The following ADAM10 variants were observed in gnomAD, a reference collection of about 807,000 sequenced individuals.
ADAM10 encodes disintegrin and metalloproteinase domain-containing protein 10.
ADAM10 carries 17 observed loss-of-function variants against 90.1 expected under a neutral mutation model. The ratio of observed to expected loss-of-function variants is 0.19; its 90% CI spans 0.13 to 0.28. The LOEUF (loss-of-function observed/expected upper bound fraction) is 0.28. Among genes scored for constraint, ADAM10 ranks in the 10% least tolerant of loss-of-function variants. The probability of loss-of-function intolerance (pLI) is 1.00; values close to 1 mark genes in which losing one functional copy is unlikely to be tolerated. For synonymous variants in ADAM10, 310 were observed against 298.6 expected, an observed-to-expected ratio of 1.04 and a Z score of -0.40; for missense variants, 610 against 914.3, an observed-to-expected ratio of 0.67 and a Z score of 4.29.
chr15:58,727,205 TCC>T (rs34158903), intron 1 of ADAM10, among the ~76,000 whole-genome samples: 1,147 of 89,124 alleles, frequency 0.013, 162 homozygotes, highest in African/African-American at 0.039. Context: ...TTTTTTTTTT[TCC>T]CAAAAACAGC....
intron 12 of ADAM10, 71 bp from the exon 13 acceptor site, chr15:58,611,178 G>C (rs1483868496): frequency 9.1e-7 from 1 of 1,097,392 alleles, no homozygotes; most frequent in Non-Finnish European, 1.4e-6. Context: ...GTAACAGACA[G>C]GCAAGTATGA....
intron 12 of ADAM10, 72 bp from the exon 13 acceptor site, chr15:58,611,179 G>C: frequency 9.6e-7 from 1 of 1,036,496 alleles, no homozygotes; most frequent in Non-Finnish European, 1.5e-6. Flanking sequence ...TAACAGACAG[G>C]CAAGTATGAG....
At position 58,647,248 on chromosome 15, in the gene ADAM10, A is replaced by ATTTCTTTTTTTTTTTTTTTTTTTTTTTT. The variant is rs1162350060; in HGVS notation, c.586-1045_586-1044insAAAAAAAAAAAAAAAAAAAAAAAAGAAA. On this transcript the variant is annotated intron_variant, in intron 5 of 15. Coordinates refer to ENST00000260408, the MANE Select transcript of ADAM10 (RefSeq NM_001110.4). ...TGGCAGCAAAGAGTAGACACTAAGT[A>ATTTCTTTTTTTTTTTTTTTTTTTTTTTT]TTTTTTTTTTTTTTTTTTTTTTTTT... Among the ~76,000 whole-genome samples the ATTTCTTTTTTTTTTTTTTTTTTTTTTTT allele has an allele frequency of 1.5e-4, 9 of 59,602 alleles. 3 individuals carry two copies. Among genetic ancestry groups the ATTTCTTTTTTTTTTTTTTTTTTTTTTTT allele is most frequent in the African/African-American group, 4.8e-4 (9 of 18,646 alleles). 39.1% of individuals were successfully genotyped at this position (59,602 alleles called of 152,430 possible).
intron 8 of ADAM10, among the ~76,000 whole-genome samples, chr15:58,635,848 T>G (rs1896236650): frequency 6.6e-6 from 1 of 152,116 alleles, no homozygotes; most frequent in Non-Finnish European, 1.5e-5. Context: ...TACATTTTTC[T>G]GCACTTTTAG....
At chr15:58,669,668 C>A (rs1897151602) in intron 4 of ADAM10, among the ~76,000 whole-genome samples, 1 of 152,084 alleles carries the variant, frequency 6.6e-6, no homozygotes, top group Non-Finnish European at 1.5e-5. Flanking sequence ...CTTTAATCGA[C>A]CAATACTTGA....
intron 5 of ADAM10, among the ~76,000 whole-genome samples, chr15:58,655,669 C>CAT (rs1896790166): frequency 2.7e-5 from 3 of 110,722 alleles, no homozygotes; most frequent in African/African-American, 3.9e-5. Context: ...TACATACATA[C>CAT]ATACATACAT....
At chr15:58,642,451 T>C (rs1484510144) in intron 7 of ADAM10, among the ~76,000 whole-genome samples, 20 of 151,098 alleles carry the variant, frequency 1.3e-4, no homozygotes, top group Non-Finnish European at 2.5e-4. Flanking sequence ...GGCGACAGAG[T>C]GAGACTCCTT....
chr15:58,605,465 A>T lies in ADAM10; in HGVS notation c.2025+4832T>A, dbSNP rs540156934. Among the ~76,000 whole-genome samples, 81 of 152,302 alleles carry T rather than the reference A, an allele frequency of 5.3e-4. 2 individuals carry two copies. The East Asian group carries it at 0.014, about 27-fold the overall frequency. ...TTATAGTTTTCCTTTTTAAAAAAAG[A>T]ATGAGTTAAATGCTAAATTACATGC... On this transcript the variant is annotated intron_variant, in intron 14 of 15. Coordinates refer to ENST00000260408, the MANE Select transcript of ADAM10 (RefSeq NM_001110.4).
chr15:58,637,971 C>T (rs750741944), intron 8 of ADAM10, among the ~76,000 whole-genome samples: 65 of 151,998 alleles, frequency 4.3e-4, no homozygotes, highest in Non-Finnish European at 7.9e-4. Flanking sequence ...AAACTCAGTT[C>T]AGCTAGTAGT....
At chr15:58,748,691 C>G (rs1289043282) in intron 1 of ADAM10, 1 of 371,670 alleles carries the variant, frequency 2.7e-6, no homozygotes, top group Non-Finnish European at 4.8e-6. Flanking sequence ...TCTAAGAGAC[C>G]CAATCCAGCC....
intron 2 of ADAM10, among the ~76,000 whole-genome samples, chr15:58,701,025 A>C (rs1234758970): frequency 5.3e-5 from 8 of 150,750 alleles, no homozygotes; most frequent in Admixed American, 4.6e-4. Flanking sequence ...AAAAAAACAA[A>C]AAAAAAAAAA....
chr15:58,639,171 A>C (rs538200910), intron 8 of ADAM10, among the ~76,000 whole-genome samples: 1 of 152,330 alleles, frequency 6.6e-6, no homozygotes, highest in South Asian at 2.1e-4. Context: ...GGTGCTTCTC[A>C]AACTTCACTG....
chr15:58,635,741 T>C (rs2140679477), intron 8 of ADAM10, among the ~76,000 whole-genome samples: 1 of 152,014 alleles, frequency 6.6e-6, no homozygotes, highest in South Asian at 2.1e-4. Context: ...TGCAGTACTG[T>C]CAAACTTGAA....
At chr15:58,704,227 A>G (rs1302143287) in intron 2 of ADAM10, 1 of 152,244 alleles carries the variant, frequency 6.6e-6, no homozygotes, top group Non-Finnish European at 1.5e-5. Context: ...TAAATAATCC[A>G]TGATTCCACA....
intron 11 of ADAM10, among the ~76,000 whole-genome samples, chr15:58,616,836 C>T (rs746741912): frequency 2.0e-5 from 3 of 152,188 alleles, no homozygotes; most frequent in South Asian, 2.1e-4. Context: ...AGGCCAGGCA[C>T]GGTGGCTTAT....
At chr15:58,689,238 C>T (rs1157236375) in intron 2 of ADAM10, among the ~76,000 whole-genome samples, 1 of 152,150 alleles carries the variant, frequency 6.6e-6, no homozygotes, top group Non-Finnish European at 1.5e-5. Context: ...GTAATCCTAG[C>T]ACTTTGGGAG....
chr15:58,749,650 C>A lies in ADAM10; in HGVS notation c.-116G>T. ...AGCCTCCACGGGAAGCCGGGACCTCCCCTGGCAGGAGAAACGGCGAAGCAC... is the reference window on the plus strand; with the variant it reads ...AGCCTCCACGGGAAGCCGGGACCTCACCTGGCAGGAGAAACGGCGAAGCAC... On this transcript the variant is annotated 5_prime_UTR_variant, in exon 1 of 16. Transcript: ENST00000260408. 1 of 1,510,926 alleles carries A rather than the reference C, an allele frequency of 6.6e-7. No homozygotes were observed. The highest frequency in any genetic ancestry group is 1.2e-5 in the South Asian group (1 of 80,946). 93.6% of individuals were successfully genotyped at this position (1,510,926 alleles called of 1,614,324 possible).
intron 1 of ADAM10, among the ~76,000 whole-genome samples, chr15:58,726,510 A>G (rs1348950064): frequency 1.5e-5 from 2 of 130,728 alleles, no homozygotes; most frequent in African/African-American, 2.9e-5. Flanking sequence ...GGTTGCAGTG[A>G]GCCGAGATCG....
intron 11 of ADAM10, among the ~76,000 whole-genome samples, chr15:58,613,062 T>C (rs1174769486): frequency 3.3e-5 from 5 of 152,096 alleles, no homozygotes; most frequent in Admixed American, 1.3e-4. Flanking sequence ...CTCACCATTA[T>C]GGGAAAAATG....
Sources: gnomAD v4.1 joint callset for allele counts (sites outside exome capture counted in the v4.1 genomes callset) on GRCh38, gnomAD v4.1.1 for gene constraint, MANE v1.5 for transcripts, NCBI Gene and HGNC (gene_info 2026-07-23, HGNC 2026-07-21) for gene names.